Variants in DMD observed in about 807,000 individuals in gnomAD.
DMD encodes dystrophin, also known as mutant dystrophin.
Under a neutral mutation model 330.1 loss-of-function variants are expected in DMD, and 63 were observed. The ratio of observed to expected loss-of-function variants is 0.19; its 90% CI spans 0.16 to 0.24. DMD has a LOEUF of 0.24. Ranked by LOEUF, DMD falls within the 10% of genes least tolerant of loss-of-function variation. The probability of loss-of-function intolerance (pLI) is 1.00; values close to 1 mark genes in which losing one functional copy is unlikely to be tolerated. For synonymous variants in DMD, 1,223 were observed against 959.8 expected, an observed-to-expected ratio of 1.27 and a Z score of -5.07; for missense variants, 3,344 against 2,684.1, an observed-to-expected ratio of 1.25 and a Z score of -5.43.
chrX:31,209,250 C>T (rs148071824), intron 65 of DMD, among the ~76,000 whole-genome samples: 114 of 111,875 alleles, frequency 1.0e-3, no homozygotes, highest in Non-Finnish European at 1.4e-3. Flanking sequence ...CGACTCATTC[C>T]ACTATTTGCA....
At chrX:31,904,787 A>G (rs1056059713) in intron 47 of DMD, among the ~76,000 whole-genome samples, 9 of 111,645 alleles carry the variant, frequency 8.1e-5, no homozygotes, top group Non-Finnish European at 1.5e-4. Context: ...CCCCGAAGCA[A>G]AGAATATGGA....
chrX:33,311,914 T>A (rs1010166879), intron 1 of DMD, among the ~76,000 whole-genome samples: 2 of 110,531 alleles, frequency 1.8e-5, no homozygotes, highest in African/African-American at 6.6e-5. Context: ...AAAAAGAATT[T>A]TCAAGAAATG....
At position 31,661,325 on chromosome X, in the gene DMD, C is replaced by T. The variant is rs762241025; in HGVS notation, c.7873-3181G>A. Among the ~76,000 whole-genome samples the T allele has an allele frequency of 2.7e-5, 3 of 110,813 alleles. No homozygotes were observed. The East Asian group carries it at 8.5e-4, about 31-fold the overall frequency. ...TTGACTGACATTGAGGGGGCTCAGG[C>T]CCTTATATAAACACAAAGGTTCTCA... On this transcript the variant is annotated intron_variant, in intron 53 of 78. Coordinates refer to ENST00000357033, the MANE Select transcript of DMD (RefSeq NM_004006.3).
At chrX:32,722,639 T>C (rs901830853) in intron 7 of DMD, among the ~76,000 whole-genome samples, 2 of 111,377 alleles carry the variant, frequency 1.8e-5, no homozygotes, top group African/African-American at 3.3e-5. Flanking sequence ...CTCAATGTTT[T>C]ATAGTTTTGG....
At chrX:31,944,337 TTGCAAAAATGTAAAACAAGATCAC>T (rs1188707521) in intron 45 of DMD, among the ~76,000 whole-genome samples, 1 of 112,179 alleles carries the variant, frequency 8.9e-6, no homozygotes, top group Non-Finnish European at 1.9e-5. Context: ...TTAAAGAGAT[TTGCAAAAATGTAAAACAAGATCAC>T]TCTTCTCACT....
intron 60 of DMD, among the ~76,000 whole-genome samples, chrX:31,435,305 T>C (rs2064430246): frequency 8.9e-6 from 1 of 111,910 alleles, no homozygotes; most frequent in African/African-American, 3.2e-5. Flanking sequence ...ATTTATACCA[T>C]ATGACTACAT....
chrX:32,848,327 C>G, intron 3 of DMD, among the ~76,000 whole-genome samples: 1 of 111,891 alleles, frequency 8.9e-6, no homozygotes, highest in Non-Finnish European at 1.9e-5. Flanking sequence ...TGTACATATG[C>G]TACGTATCCA....
intron 2 of DMD, among the ~76,000 whole-genome samples, chrX:32,936,068 A>C (rs1569543935): frequency 9.0e-6 from 1 of 111,454 alleles, no homozygotes; most frequent in Non-Finnish European, 1.9e-5. Flanking sequence ...ACACAAAAAA[A>C]ACTGTCTAGA....
In DMD at chrX:31,444,608, G is replaced by A. The variant is rs779243391; in HGVS notation, c.8957C>T (p.Ala2986Val). ...GTGGCTCACGTTCTCTTTCAGAGGC[G>A]CAATTTCTCCTCGAAGTGCCTGTGT... is the stretch of plus-strand genomic sequence containing the variant. Reference protein sequence around the residue: ...EKVKALRGEIAPLKENVSHVN... With the variant: ...EKVKALRGEIVPLKENVSHVN... The change falls in exon 60 of 79, where the codon GCG becomes GTG. Residue 2986 changes from alanine (A) to valine (V), a missense_variant. Physicochemically the swap from Ala to Val is moderately conservative, Grantham distance 64 (BLOSUM62 0). Coordinates refer to ENST00000357033, the MANE Select transcript of DMD (RefSeq NM_004006.3). 17 of 1,209,412 alleles carry A rather than the reference G, an allele frequency of 1.4e-5. No homozygotes were observed. Among genetic ancestry groups the A allele is most frequent in the African/African-American group, 5.3e-5 (3 of 57,056 alleles).
At chrX:32,429,387 G>GTTTTTTTTTGTTTT (rs2098227559) in intron 29 of DMD, among the ~76,000 whole-genome samples, 1 of 44,193 alleles carries the variant, frequency 2.3e-5, no homozygotes, top group Admixed American at 4.2e-4. Context: ...TTTTTTTTGG[G>GTTTTTTTTTGTTTT]TTTTTTTTTT....
At chrX:32,419,381 T>C (rs1380224513) in intron 29 of DMD, among the ~76,000 whole-genome samples, 1 of 112,100 alleles carries the variant, frequency 8.9e-6, no homozygotes, top group Non-Finnish European at 1.9e-5. Flanking sequence ...CTGTGTTCCT[T>C]GGACAAGAAA....
At chrX:33,019,801 A>C (rs2093878443) in intron 2 of DMD, among the ~76,000 whole-genome samples, 1 of 111,474 alleles carries the variant, frequency 9.0e-6, no homozygotes. Flanking sequence ...TTTTCACAAC[A>C]AAATTCCCTC....
chrX:33,100,584 G>A (rs939983467), intron 1 of DMD, among the ~76,000 whole-genome samples: 8 of 110,768 alleles, frequency 7.2e-5, no homozygotes, highest in African/African-American at 2.6e-4. Context: ...CCAGATACTC[G>A]GGAAGCTGAG....
intron 7 of DMD, among the ~76,000 whole-genome samples, chrX:32,727,325 G>A (rs1323621098): frequency 1.8e-5 from 2 of 110,977 alleles, no homozygotes; most frequent in African/African-American, 3.3e-5. Flanking sequence ...GGTGGAACAA[G>A]AACTATATAG....
chrX:31,515,938 T>C lies in DMD; in HGVS notation c.8218-8485A>G, dbSNP rs768670924. On this transcript the variant is annotated intron_variant, in intron 55 of 78. Coordinates refer to ENST00000357033, the MANE Select transcript of DMD (RefSeq NM_004006.3). ...TACAGTTGTTTTGAAAAGGTGTTAA[T>C]GATTTAAATAAAAATAAAACAAAAA... Among the ~76,000 whole-genome samples the C allele has an allele frequency of 2.7e-5, 3 of 112,155 alleles. No individual in the cohort carries two copies. The East Asian group carries it at 8.3e-4, about 31-fold the overall frequency.
At chrX:33,233,982 T>C (rs1569558971) in intron 1 of DMD, among the ~76,000 whole-genome samples, 1 of 111,791 alleles carries the variant, frequency 8.9e-6, no homozygotes, top group African/African-American at 3.3e-5. Flanking sequence ...CTACAACTCT[T>C]TGAAAATAAA....
chrX:32,529,148 A>G (rs1207820073), intron 17 of DMD, among the ~76,000 whole-genome samples: 1 of 105,406 alleles, frequency 9.5e-6, no homozygotes, highest in East Asian at 3.0e-4. Flanking sequence ...GATGGTCTCG[A>G]TCTCCTGACC....
intron 44 of DMD, among the ~76,000 whole-genome samples, chrX:32,119,381 T>G (rs2096625290): frequency 9.1e-6 from 1 of 109,343 alleles, no homozygotes; most frequent in African/African-American, 3.3e-5. Flanking sequence ...ATTGGCAGTC[T>G]TGAGAACTAA....
intron 62 of DMD, among the ~76,000 whole-genome samples, chrX:31,284,848 A>ACC (rs2053055777): frequency 9.4e-6 from 1 of 106,489 alleles, no homozygotes; most frequent in South Asian, 4.1e-4. Flanking sequence ...ACACACACAC[A>ACC]CACACACACA....
Sources: allele counts gnomAD v4.1 joint callset (sites outside exome capture counted in the v4.1 genomes callset), GRCh38; gene constraint gnomAD v4.1.1; transcripts MANE v1.5; gene names NCBI Gene and HGNC (gene_info 2026-07-23, HGNC 2026-07-21).